Variants in FAM118A observed in about 807,000 individuals in gnomAD.
The protein encoded by FAM118A is protein FAM118A.
FAM118A carries 25 observed loss-of-function variants against 38.2 expected under a neutral mutation model. The ratio of observed to expected loss-of-function variants is 0.65; its 90% CI spans 0.48 to 0.91. FAM118A has a LOEUF of 0.91. Ranked by LOEUF, FAM118A falls within the 40% of genes least tolerant of loss-of-function variation. The pLI is 0.00. For synonymous variants in FAM118A, 178 were observed against 184.1 expected (o/e 0.97, Z 0.27); for missense variants, 425 against 463.3 (o/e 0.92, Z 0.76).
Position 45,323,285 on chromosome 22 carries a change from G to A in FAM118A, c.158G>A (p.Arg53Lys), listed in dbSNP as rs1197676271. ...GGAATCCCTGCCCTTTGCTCGTGGAGAAGCTGCATCGAGGCCGTCATCGAG... is the reference window on the plus strand; with the variant it reads ...GGAATCCCTGCCCTTTGCTCGTGGAAAAGCTGCATCGAGGCCGTCATCGAG... ...APGIPALCSW[R>K]SCIEAVIEAA... The change falls in exon 3 of 9, where the codon AGA becomes AAA. Residue 53 changes from arginine (R) to lysine (K), a missense_variant. Coordinates refer to ENST00000441876, the MANE Select transcript of FAM118A (RefSeq NM_017911.4). 3.7e-6 allele frequency: 6 copies of A among 1,614,100 alleles called. No homozygotes were observed. Among genetic ancestry groups the A allele is most frequent in the Non-Finnish European group, 5.1e-6 (6 of 1,180,034 alleles).
intron 1 of FAM118A, among the ~76,000 whole-genome samples, chr22:45,312,598 C>T (rs1569117551): frequency 2.6e-5 from 4 of 152,244 alleles, no homozygotes; most frequent in South Asian, 2.1e-4. Flanking sequence ...CCCTTGAACC[C>T]GGAAGGCTGA....
chr22:45,322,184 T>G, intron 1 of FAM118A, 187 bp from the exon 2 acceptor site: 2 of 1,507,694 alleles, frequency 1.3e-6, no homozygotes, highest in Non-Finnish European at 1.8e-6. Flanking sequence ...TCTCATGAGA[T>G]GAGGAATGGT....
At chr22:45,318,317 G>A (rs1421016714) in intron 1 of FAM118A, 1 of 152,200 alleles carries the variant, frequency 6.6e-6, no homozygotes, top group Non-Finnish European at 1.5e-5. Flanking sequence ...AAAAAAAGAA[G>A]GGTTGCTATG....
At chr22:45,326,798 C>T (rs892415073) in intron 3 of FAM118A, among the ~76,000 whole-genome samples, 1 of 138,778 alleles carries the variant, frequency 7.2e-6, no homozygotes, top group Non-Finnish European at 1.5e-5. Context: ...GCATTTCATC[C>T]TGGGTGACAG....
chr22:45,322,673 A>T (rs1163382367), intron 2 of FAM118A, among the ~76,000 whole-genome samples: 2 of 152,206 alleles, frequency 1.3e-5, no homozygotes, highest in African/African-American at 4.8e-5. Flanking sequence ...TAGAACTGGG[A>T]GTGTCAGGCT....
At chr22:45,319,925 T>C (rs902024465) in intron 1 of FAM118A, among the ~76,000 whole-genome samples, 1 of 152,178 alleles carries the variant, frequency 6.6e-6, no homozygotes, top group African/African-American at 2.4e-5. Flanking sequence ...TTCTTAGCAT[T>C]TGGGGTAAGG....
At chr22:45,332,279 T>C in intron 5 of FAM118A, 146 bp from the exon 6 acceptor site, 2 of 776,642 alleles carry the variant, frequency 2.6e-6, no homozygotes, top group South Asian at 3.5e-5. Flanking sequence ...GGAAGGATAC[T>C]GTCCTTCTAA....
rs1404362202 is a variant in FAM118A at position 45,333,606 on chromosome 22, A to T, written c.937+896A>T. The stretch of plus-strand genomic sequence containing the variant: ...GGAGAATGGCATGAACCCGGGAGGC[A>T]GAGCTTGCAGTGAGCCAAGATCGCA... On this transcript the variant is annotated intron_variant, in intron 6 of 8. Coordinates refer to ENST00000441876, the MANE Select transcript of FAM118A (RefSeq NM_017911.4). 2.0e-5 allele frequency among the ~76,000 whole-genome samples: 3 copies of T among 150,728 alleles called. No individual in the cohort carries two copies. The East Asian group carries it at 5.9e-4, about 29-fold the overall frequency.
chr22:45,336,026 T>C (rs968689076), intron 7 of FAM118A, among the ~76,000 whole-genome samples: 1 of 152,218 alleles, frequency 6.6e-6, no homozygotes, highest in Non-Finnish European at 1.5e-5. Context: ...CGCGCATCGA[T>C]GTGGGAGCTG....
At chr22:45,327,241 A>G (rs1202053817) in intron 3 of FAM118A, among the ~76,000 whole-genome samples, 2 of 151,794 alleles carry the variant, frequency 1.3e-5, no homozygotes, top group Non-Finnish European at 2.9e-5. Flanking sequence ...CCCTATCTCA[A>G]AAAAAGAAAA....
At chr22:45,312,489 A>C (rs1330201920) in intron 1 of FAM118A, among the ~76,000 whole-genome samples, 3 of 152,204 alleles carry the variant, frequency 2.0e-5, no homozygotes, top group Admixed American at 2.0e-4. Context: ...CCTGGCCAAC[A>C]TAGCAGAACC....
At chr22:45,336,456 T>C (rs1569157252) in intron 8 of FAM118A, 45 bp downstream of exon 8, 1 of 1,493,048 alleles carries the variant, frequency 6.7e-7, no homozygotes, top group African/African-American at 1.4e-5. Context: ...CGGGTCTCTC[T>C]TGTTGGCAGG....
intron 1 of FAM118A, among the ~76,000 whole-genome samples, chr22:45,311,743 A>G (rs1284945179): frequency 6.6e-6 from 1 of 151,994 alleles, no homozygotes; most frequent in Non-Finnish European, 1.5e-5. Context: ...GCAAGACCCT[A>G]TGAGAGATGG....
At position 45,340,368 on chromosome 22, in the gene FAM118A, A is replaced by C; in HGVS notation, c.1055-18A>C. On this transcript the variant is annotated intron_variant, in intron 8 of 8. Coordinates refer to ENST00000441876, the MANE Select transcript of FAM118A (RefSeq NM_017911.4). Reference sequence around the variant, plus strand: ...CTGGACTTTAACCCTTGGGCATTTCATTCTTTTATTTAAACAGATGATGCT... The same window carrying C: ...CTGGACTTTAACCCTTGGGCATTTCCTTCTTTTATTTAAACAGATGATGCT... 1 of 1,614,126 alleles carries C rather than the reference A, an allele frequency of 6.2e-7. No homozygotes were observed. Among genetic ancestry groups the C allele is most frequent in the East Asian group, 2.2e-5 (1 of 44,882 alleles).
At position 45,340,667 on chromosome 22, in the gene FAM118A, C is replaced by A. The variant is rs552794370; in HGVS notation, c.*262C>A. The A allele has an allele frequency of 7.5e-6, 4 of 530,912 alleles. No individual in the cohort carries two copies. Among genetic ancestry groups the A allele is most frequent in the Admixed American group, 3.3e-5 (1 of 30,178 alleles). 32.9% of individuals were successfully genotyped at this position (530,912 alleles called of 1,614,324 possible). A position where few individuals can be genotyped will look rare whatever the true frequency, so the allele number is the denominator to read the frequency against. ...GATAGCTACCTCAGGGACCAGAATC[C>A]GTGGGAAGGGATGGACCTGGTGTTC... On this transcript the variant is annotated 3_prime_UTR_variant, in exon 9 of 9. Coordinates refer to ENST00000441876, the MANE Select transcript of FAM118A (RefSeq NM_017911.4).
chr22:45,323,771 G>T (rs2085056848), intron 3 of FAM118A, among the ~76,000 whole-genome samples: 1 of 152,232 alleles, frequency 6.6e-6, no homozygotes, highest in Non-Finnish European at 1.5e-5. Flanking sequence ...GTGTAAGCAG[G>T]CCGGCCATAT....
intron 8 of FAM118A, among the ~76,000 whole-genome samples, chr22:45,339,848 T>C (rs2086358928): frequency 6.6e-6 from 1 of 152,188 alleles, no homozygotes; most frequent in Non-Finnish European, 1.5e-5. Flanking sequence ...CTGTGGAGCA[T>C]TGGGCAGGGG....
chr22:45,313,405 C>G (rs2084465659), intron 1 of FAM118A, among the ~76,000 whole-genome samples: 1 of 150,576 alleles, frequency 6.6e-6, no homozygotes, highest in South Asian at 2.1e-4. Flanking sequence ...TCACTGCAAC[C>G]TCTGCCTCCC....
At chr22:45,335,448 A>T (rs544897927) in intron 7 of FAM118A, 66 bp downstream of exon 7, 4 of 1,559,988 alleles carry the variant, frequency 2.6e-6, no homozygotes, top group Middle Eastern at 1.7e-4. Flanking sequence ...TTCTGTCACT[A>T]ACTGTAAAAT....
Sources: gnomAD v4.1 joint callset for allele counts (sites outside exome capture counted in the v4.1 genomes callset) on GRCh38, gnomAD v4.1.1 for gene constraint, MANE v1.5 for transcripts, NCBI Gene and HGNC (gene_info 2026-07-23, HGNC 2026-07-21) for gene names.